The following CWC22 variants were observed in gnomAD, a reference collection of about 807,000 sequenced individuals.
CWC22 encodes CWC22 spliceosome associated protein, also known as pre-mRNA-splicing factor CWC22 homolog.
CWC22 carries 53 observed loss-of-function variants against 117.2 expected under a neutral mutation model. The ratio of observed to expected loss-of-function variants is 0.45; its 90% CI spans 0.36 to 0.57. The LOEUF (loss-of-function observed/expected upper bound fraction) is 0.57. Ranked by LOEUF, CWC22 falls within the 20% of genes least tolerant of loss-of-function variation. The pLI is 0.00. For missense variants in CWC22, 980 were observed against 1,068.8 expected (o/e 0.92, Z 1.16); for synonymous variants, 360 against 355.6 (o/e 1.01, Z -0.14).
At chr2:179,988,188 C>T (rs1186210856) in intron 3 of CWC22, among the ~76,000 whole-genome samples, 3 of 152,228 alleles carry the variant, frequency 2.0e-5, no homozygotes, top group East Asian at 1.9e-4. Flanking sequence ...GGTTGGGGAC[C>T]CCTGTTATAA....
At position 179,945,243 on chromosome 2, in the gene CWC22, A is replaced by T. The variant is rs201862038; in HGVS notation, c.2613T>A (p.Tyr871Ter). Residue 871 changes from tyrosine (Y) to a stop codon, truncating the protein, a stop_gained, in exon 20 of 20, where the codon TAT (tyrosine) becomes TAA (stop). Coordinates refer to ENST00000410053, the MANE Select transcript of CWC22 (RefSeq NM_020943.3). LOFTEE classifies it high-confidence loss of function. ...HSGSRSDEDR[Y>*]QNGAERRWEK... ...CCCATCGTCTCTCGGCACCATTTTG[A>T]TATCTATCTTCATCACTTCTTGAGC... is the stretch of plus-strand genomic sequence containing the variant. The T allele has an allele frequency of 3.3e-5, 53 of 1,613,418 alleles. No individual in the cohort carries two copies.
chr2:179,982,104 A>G, intron 4 of CWC22, 107 bp from the exon 5 acceptor site: 1 of 653,576 alleles, frequency 1.5e-6, no homozygotes, highest in Non-Finnish European at 2.6e-6. Flanking sequence ...ACAAATTCAG[A>G]CTAGGAAAAG....
intron 16 of CWC22, 56 bp from the exon 17 acceptor site, chr2:179,952,654 T>C: frequency 1.0e-6 from 1 of 957,106 alleles, no homozygotes; most frequent in Non-Finnish European, 1.4e-6. Flanking sequence ...AGACAGGACA[T>C]AGTGACCAAT....
At chr2:179,965,567 T>G (rs1193080637) in intron 12 of CWC22, among the ~76,000 whole-genome samples, 1 of 152,248 alleles carries the variant, frequency 6.6e-6, no homozygotes, top group Admixed American at 6.5e-5. Flanking sequence ...TTTCATTGTC[T>G]AGAATATAAT....
At chr2:180,006,801 A>T (rs1687991034) in intron 1 of CWC22, 66 bp downstream of exon 1, 1 of 152,644 alleles carries the variant, frequency 6.6e-6, no homozygotes, top group South Asian at 2.1e-4. Flanking sequence ...AGCTCCAGGA[A>T]CTTCACAAGG....
At chr2:179,984,490 A>G (rs1200367422) in intron 4 of CWC22, among the ~76,000 whole-genome samples, 2 of 152,054 alleles carry the variant, frequency 1.3e-5, no homozygotes, top group Non-Finnish European at 2.9e-5. Context: ...TGTGGATATC[A>G]AAGGATGTGC....
At chr2:179,994,306 A>G (rs930714947) in intron 1 of CWC22, among the ~76,000 whole-genome samples, 5 of 149,802 alleles carry the variant, frequency 3.3e-5, no homozygotes, top group African/African-American at 1.2e-4. Context: ...AACTGAATAC[A>G]ACTGGAAAAA....
At position 180,000,273 on chromosome 2, in the gene CWC22, A is replaced by T. The variant is rs537203561; in HGVS notation, c.-114+6594T>A. Among the ~76,000 whole-genome samples the T allele has an allele frequency of 1.7e-3, 266 of 152,340 alleles. 4 individuals are homozygous for T. The highest frequency in any genetic ancestry group is 4.3e-3 in the South Asian group (21 of 4,830). On this transcript the variant is annotated intron_variant, in intron 1 of 19. Coordinates refer to ENST00000410053, the MANE Select transcript of CWC22 (RefSeq NM_020943.3). Reference sequence around the variant, plus strand: ...AAATACTCCTGTCTCTTTCTAGAAAAGTCACCAGGTACAGGTTGAAAATCC... The same window carrying T: ...AAATACTCCTGTCTCTTTCTAGAAATGTCACCAGGTACAGGTTGAAAATCC...
intron 1 of CWC22, among the ~76,000 whole-genome samples, chr2:180,005,953 C>T (rs996314567): frequency 6.6e-6 from 1 of 152,210 alleles, no homozygotes; most frequent in Non-Finnish European, 1.5e-5. Context: ...CTTTCCTCCA[C>T]CTACTGATAA....
At chr2:179,968,028 A>C (rs1258819102) in intron 11 of CWC22, among the ~76,000 whole-genome samples, 1 of 152,142 alleles carries the variant, frequency 6.6e-6, no homozygotes, top group Non-Finnish European at 1.5e-5. Context: ...CGACACTTAG[A>C]TTTTTTTGGA....
chr2:180,006,350 T>C (rs1050104046), intron 1 of CWC22, among the ~76,000 whole-genome samples: 2 of 152,224 alleles, frequency 1.3e-5, no homozygotes, highest in Admixed American at 6.5e-5. Flanking sequence ...CGTTATATAA[T>C]GCTGTGTTGT....
intron 4 of CWC22, 21 bp downstream of exon 4, chr2:179,986,674 T>A: frequency 7.3e-7 from 1 of 1,369,414 alleles, no homozygotes; most frequent in East Asian, 2.3e-5. Flanking sequence ...TTTCTACAAG[T>A]TAGAAATTCC....
intron 6 of CWC22, among the ~76,000 whole-genome samples, chr2:179,976,931 G>C (rs1023967946): frequency 2.0e-5 from 3 of 152,172 alleles, no homozygotes; most frequent in Admixed American, 6.5e-5. Context: ...AAGTCGGGAG[G>C]ACTGCTTGAG....
chr2:179,953,253 T>C (rs1179427064), intron 16 of CWC22, among the ~76,000 whole-genome samples: 1 of 152,056 alleles, frequency 6.6e-6, no homozygotes, highest in Non-Finnish European at 1.5e-5. Flanking sequence ...TGCCTATTAA[T>C]GTAGCTGGAC....
At chr2:179,978,144 T>A in intron 6 of CWC22, 46 bp downstream of exon 6, 1 of 1,434,462 alleles carries the variant, frequency 7.0e-7, no homozygotes, top group Non-Finnish European at 9.1e-7. Context: ...TATATTCCTT[T>A]GAAAAAATAC....
intron 1 of CWC22, among the ~76,000 whole-genome samples, chr2:180,005,698 A>T (rs746187226): frequency 1.3e-5 from 2 of 152,248 alleles, no homozygotes; most frequent in Non-Finnish European, 2.9e-5. Flanking sequence ...ACTGTATCAT[A>T]GTAGTAATTT....
intron 13 of CWC22, among the ~76,000 whole-genome samples, chr2:179,961,396 C>T (rs1332274661): frequency 6.6e-6 from 1 of 151,632 alleles, no homozygotes; most frequent in African/African-American, 2.4e-5. Flanking sequence ...GTTTCCTAAG[C>T]ACAACAGGGT....
In CWC22 at chr2:179,953,922, A is replaced by G. The variant is rs542120112; in HGVS notation, c.1689+283T>C. ...GCATGCACGTGTGTGTACACAGAGAAGATGAAAATCTGCAGTACTTTTCCT... is the reference window on the plus strand; with the variant it reads ...GCATGCACGTGTGTGTACACAGAGAGGATGAAAATCTGCAGTACTTTTCCT... On this transcript the variant is annotated intron_variant, in intron 16 of 19. Coordinates refer to ENST00000410053, the MANE Select transcript of CWC22 (RefSeq NM_020943.3). Among the ~76,000 whole-genome samples, 42 of 152,264 alleles carry G rather than the reference A, an allele frequency of 2.8e-4. No homozygotes were observed. The Middle Eastern group carries it at 0.024, about 86-fold the overall frequency.
chr2:179,973,608 T>C, intron 7 of CWC22, 26 bp downstream of exon 7: 3 of 1,434,892 alleles, frequency 2.1e-6, no homozygotes, highest in Non-Finnish European at 2.9e-6. Flanking sequence ...TATGTATCAT[T>C]CTACTTACAA....
Sources: gnomAD v4.1 joint callset for allele counts (sites outside exome capture counted in the v4.1 genomes callset) on GRCh38, gnomAD v4.1.1 for gene constraint, MANE v1.5 for transcripts, NCBI Gene and HGNC (gene_info 2026-07-23, HGNC 2026-07-21) for gene names.